Variants in LMBRD1 observed in about 807,000 individuals in gnomAD.
The protein encoded by LMBRD1 is LMBR1 domain containing 1.
A neutral mutation model predicts 74.8 loss-of-function variants in LMBRD1; 64 were observed. The observed-to-expected ratio is 0.86, with a 90% CI of 0.70 to 1.05. The LOEUF (loss-of-function observed/expected upper bound fraction) is 1.05. LMBRD1 is among the 50% of genes least tolerant of loss of function. The pLI is 0.00. For synonymous variants in LMBRD1, 204 were observed against 216.3 expected, an observed-to-expected ratio of 0.94 and a Z score of 0.50; for missense variants, 652 against 645.9, an observed-to-expected ratio of 1.01 and a Z score of -0.10.
intron 5 of LMBRD1, 72 bp from the exon 6 acceptor site, chr6:69,741,949 A>C: frequency 1.1e-6 from 1 of 870,154 alleles, no homozygotes; most frequent in Admixed American, 2.1e-5. Flanking sequence ...TGAAACTCAA[A>C]TTATTTTTCT....
At position 69,796,836 on chromosome 6, in the gene LMBRD1, A is replaced by G. The variant is rs201428893; in HGVS notation, c.46T>C (p.Cys16Arg). ...AASAELVIGW[C>R]IFGLLLLAIL... ...ACCAGTAGTAAGAGGCCGAATATGC[A>G]CCAGCCGATCACCAGCTCCGCCGAG... is the stretch of plus-strand genomic sequence containing the variant. The change falls in exon 1 of 16, where the codon TGC becomes CGC. Residue 16 changes from cysteine (C) to arginine (R), a missense_variant. Coordinates refer to ENST00000649934, the MANE Select transcript of LMBRD1 (RefSeq NM_018368.4). 6.2e-7 allele frequency: 1 copy of G among 1,600,376 alleles called. No individual in the cohort carries two copies.
At position 69,753,890 on chromosome 6, in the gene LMBRD1, G is replaced by A. The variant is rs139576605; in HGVS notation, c.308-1534C>T. ...TGGGAGGCAGAGCTTGCAGTGAGCC[G>A]AGATCGCGCCACTGCACTCCAGCCT... On this transcript the variant is annotated intron_variant, in intron 3 of 15. Transcript: ENST00000649934. 2.6e-3 allele frequency among the ~76,000 whole-genome samples: 387 copies of A among 151,468 alleles called. 5 individuals are homozygous for A. Among genetic ancestry groups the A allele is most frequent in the Admixed American group, 0.017 (258 of 15,232 alleles).
intron 7 of LMBRD1, among the ~76,000 whole-genome samples, chr6:69,725,930 T>A (rs931767719): frequency 1.3e-5 from 2 of 151,966 alleles, no homozygotes. Context: ...AAGGGAACAG[T>A]CAACACAATT....
chr6:69,693,188 T>C (rs755339668), intron 14 of LMBRD1, among the ~76,000 whole-genome samples: 30 of 152,114 alleles, frequency 2.0e-4, no homozygotes, highest in Admixed American at 1.3e-4. Flanking sequence ...TTAAGTAATA[T>C]TGTCGTTTTA....
chr6:69,741,986 T>C, intron 5 of LMBRD1, 109 bp from the exon 6 acceptor site: 1 of 699,150 alleles, frequency 1.4e-6, no homozygotes, highest in Non-Finnish European at 2.4e-6. Flanking sequence ...ATAAAATCTG[T>C]ACTATGCACA....
chr6:69,719,108 T>C, intron 7 of LMBRD1, 27 bp from the exon 8 acceptor site: 2 of 1,604,642 alleles, frequency 1.2e-6, no homozygotes, highest in Non-Finnish European at 1.7e-6. Flanking sequence ...TGAAATGTTT[T>C]AGAAATAATG....
Position 69,719,031 on chromosome 6 carries a change from G to A in LMBRD1, c.687C>T (p.Ser229=), listed in dbSNP as rs745433737. ...TGTTTTCCAAACGTTCATAAGCAGC[G>A]CTTCTAGTGCCTTTTATCAGATTTA... ...LPLNLIKGTR[S]AAYERLENTE... The change falls in exon 8 of 16, where the codon AGC becomes AGT. Residue 229 remains serine (S), a synonymous_variant. Transcript: ENST00000649934. The A allele has an allele frequency of 2.2e-5, 36 of 1,612,580 alleles. No individual in the cohort carries two copies. The highest frequency in any genetic ancestry group is 2.8e-5 in the Non-Finnish European group (33 of 1,178,904).
intron 6 of LMBRD1, among the ~76,000 whole-genome samples, chr6:69,739,822 T>C (rs1489443256): frequency 1.3e-5 from 2 of 152,052 alleles, no homozygotes; most frequent in East Asian, 1.9e-4. Flanking sequence ...AAAAAGGTTA[T>C]ATAGGCCGGG....
At chr6:69,785,670 T>A (rs538778085) in intron 2 of LMBRD1, among the ~76,000 whole-genome samples, 37 of 152,354 alleles carry the variant, frequency 2.4e-4, no homozygotes, top group African/African-American at 7.9e-4. Flanking sequence ...CCAATTTTAA[T>A]CATTTTTCTC....
At chr6:69,712,111 G>T (rs1323561741) in intron 9 of LMBRD1, among the ~76,000 whole-genome samples, 3 of 152,044 alleles carry the variant, frequency 2.0e-5, no homozygotes, top group Admixed American at 6.6e-5. Flanking sequence ...CTTCAAGTTA[G>T]TCCACTGACT....
At chr6:69,682,729 G>A (rs983406046) in intron 14 of LMBRD1, among the ~76,000 whole-genome samples, 3 of 151,882 alleles carry the variant, frequency 2.0e-5, no homozygotes, top group African/African-American at 7.2e-5. Context: ...TAGTTTAAAC[G>A]GATATACTAG....
intron 3 of LMBRD1, among the ~76,000 whole-genome samples, chr6:69,758,063 T>C (rs879396960): frequency 2.5e-4 from 38 of 152,294 alleles, no homozygotes; most frequent in Non-Finnish European, 5.0e-4. Context: ...AAAGAATACA[T>C]AGTAATTCCT....
chr6:69,718,121 A>AT (rs147422204), intron 8 of LMBRD1, among the ~76,000 whole-genome samples: 21,676 of 152,026 alleles, frequency 0.14, 1,907 homozygotes, highest in Non-Finnish European at 0.2. Flanking sequence ...AGGACTTGCT[A>AT]TTTTTTTACC....
At chr6:69,761,455 T>C (rs2445972) in intron 3 of LMBRD1, among the ~76,000 whole-genome samples, 21,676 of 152,248 alleles carry the variant, frequency 0.14, 1,916 homozygotes, top group Non-Finnish European at 0.2. Context: ...TAACCTCATT[T>C]TTTTAATCTA....
intron 12 of LMBRD1, among the ~76,000 whole-genome samples, chr6:69,699,399 T>G (rs1416140972): frequency 6.6e-6 from 1 of 151,856 alleles, no homozygotes; most frequent in East Asian, 1.9e-4. Context: ...AAACTTATTG[T>G]GTAACAGCAT....
At position 69,780,523 on chromosome 6, in the gene LMBRD1, A is replaced by G. The variant is rs1250943285; in HGVS notation, c.278T>C (p.Ile93Thr). 1 of 1,610,772 alleles carries G rather than the reference A, an allele frequency of 6.2e-7. No homozygotes were observed. The change falls in exon 3 of 16, where the codon ATT becomes ACT. Residue 93 changes from isoleucine to threonine, a missense_variant. By Grantham distance (89) the Ile-to-Thr change is moderately conservative. Coordinates refer to ENST00000649934, the MANE Select transcript of LMBRD1 (RefSeq NM_018368.4). ...DWANANVSRQIEDTVLYGYYT... is the reference protein window; with the variant it reads ...DWANANVSRQTEDTVLYGYYT... ...GTAACCGTATAATACAGTGTCCTCAATCTGTCTGCTGACATTAGCATTAGC... is the reference window on the plus strand; with the variant it reads ...GTAACCGTATAATACAGTGTCCTCAGTCTGTCTGCTGACATTAGCATTAGC...
At chr6:69,758,318 C>CA (rs1457762785) in intron 3 of LMBRD1, among the ~76,000 whole-genome samples, 1 of 152,110 alleles carries the variant, frequency 6.6e-6, no homozygotes, top group Non-Finnish European at 1.5e-5. Context: ...TTTTAGAGGT[C>CA]AAAGTATAAA....
At chr6:69,692,532 A>G (rs1327530127) in intron 14 of LMBRD1, among the ~76,000 whole-genome samples, 3 of 152,210 alleles carry the variant, frequency 2.0e-5, no homozygotes, top group African/African-American at 4.8e-5. Context: ...CCCTAACTGT[A>G]GTCTCCAAAT....
At chr6:69,757,184 C>T (rs2502558) in intron 3 of LMBRD1, among the ~76,000 whole-genome samples, 13 of 152,090 alleles carry the variant, frequency 8.5e-5, no homozygotes, top group Non-Finnish European at 1.6e-4. Flanking sequence ...CTTGTGTTGA[C>T]TAAAACAAGC....
Sources: gnomAD v4.1 joint callset for allele counts (sites outside exome capture counted in the v4.1 genomes callset) on GRCh38, gnomAD v4.1.1 for gene constraint, MANE v1.5 for transcripts, NCBI Gene and HGNC (gene_info 2026-07-23, HGNC 2026-07-21) for gene names.